REV1: variants seen among roughly 807,000 people sequenced by gnomAD.
The protein encoded by REV1 is REV1 DNA directed polymerase.
Under a neutral mutation model 137.4 loss-of-function variants are expected in REV1, and 42 were observed. The ratio of observed to expected loss-of-function variants is 0.31; its 90% confidence interval spans 0.24 to 0.40. The LOEUF (loss-of-function observed/expected upper bound fraction) is 0.40. Ranked by LOEUF, REV1 falls within the 10% of genes least tolerant of loss-of-function variation. The probability of loss-of-function intolerance (pLI) is 1.00; values close to 1 mark genes in which losing one functional copy is unlikely to be tolerated. For synonymous variants in REV1, 524 were observed against 519.2 expected, an observed-to-expected ratio of 1.01 and a Z score of -0.12; for missense variants, 1,282 against 1,490.1, an observed-to-expected ratio of 0.86 and a Z score of 2.30.
intron 3 of REV1, among the ~76,000 whole-genome samples, chr2:99,454,576 A>C (rs1263165334): frequency 1.0e-4 from 15 of 143,040 alleles, no homozygotes; most frequent in South Asian, 2.3e-4. Flanking sequence ...AAAAAAAAAA[A>C]AAAAAAAAAA....
intron 3 of REV1, 109 bp downstream of exon 3, chr2:99,462,387 T>C: frequency 9.6e-7 from 1 of 1,043,618 alleles, no homozygotes; most frequent in Middle Eastern, 2.2e-4. Context: ...CTTCTCATCT[T>C]ACAATCATTT....
chr2:99,424,416 T>C (rs908156397), intron 9 of REV1, 136 bp from the exon 10 acceptor site: 16 of 944,156 alleles, frequency 1.7e-5, no homozygotes, highest in East Asian at 1.1e-4. Flanking sequence ...GGATTAAAGA[T>C]AGGCATTAAA....
At chr2:99,403,422 C>G in intron 19 of REV1, 1 of 562,970 alleles carries the variant, frequency 1.8e-6, no homozygotes, top group Admixed American at 3.2e-5. Context: ...GGACAACTAG[C>G]TGAACAAGTA....
rs1682644720 is a variant in REV1 at position 99,449,316 on chromosome 2, A to G, written c.350+20T>C. On this transcript the variant is annotated intron_variant, in intron 4 of 22. Transcript: ENST00000258428. ...CTAACTTTAAAAATTTATTAATTAA[A>G]TTTAATAAATTAAACTTACCTTTCC... 6 of 1,363,232 alleles carry G rather than the reference A, an allele frequency of 4.4e-6. No homozygotes were observed. Among genetic ancestry groups the G allele is most frequent in the Non-Finnish European group, 5.9e-6 (6 of 1,018,004 alleles). 84.4% of individuals were successfully genotyped at this position (1,363,232 alleles called of 1,614,324 possible). A position where few individuals can be genotyped will look rare whatever the true frequency, so the allele number is the denominator to read the frequency against.
intron 1 of REV1, among the ~76,000 whole-genome samples, chr2:99,467,052 C>T (rs1684890213): frequency 6.6e-6 from 1 of 152,010 alleles, no homozygotes; most frequent in Admixed American, 6.6e-5. Context: ...ACACATACCC[C>T]GATAATTAAA....
intron 9 of REV1, 62 bp from the exon 10 acceptor site, chr2:99,424,342 C>T: frequency 6.5e-7 from 1 of 1,532,232 alleles, no homozygotes; most frequent in African/African-American, 1.4e-5. Context: ...AAATATTTAT[C>T]AAATATGTTG....
At chr2:99,451,247 A>G (rs1682890574) in intron 3 of REV1, 2 of 685,872 alleles carry the variant, frequency 2.9e-6, no homozygotes, top group African/African-American at 3.7e-5. Flanking sequence ...AACTAATTCT[A>G]TTTAATGACT....
intron 1 of REV1, among the ~76,000 whole-genome samples, chr2:99,475,994 T>TA (rs1685926415): frequency 6.6e-6 from 1 of 151,948 alleles, no homozygotes; most frequent in African/African-American, 2.4e-5. Flanking sequence ...AAAAAATAAA[T>TA]AAATGAAAAT....
chr2:99,473,688 T>G (rs1685666188), intron 1 of REV1, among the ~76,000 whole-genome samples: 1 of 152,236 alleles, frequency 6.6e-6, no homozygotes, highest in Non-Finnish European at 1.5e-5. Context: ...GTTGCTAATT[T>G]TTTCTGCTGC....
At chr2:99,463,663 C>T (rs930162236) in intron 2 of REV1, among the ~76,000 whole-genome samples, 2 of 152,048 alleles carry the variant, frequency 1.3e-5, no homozygotes, top group Non-Finnish European at 1.5e-5. Context: ...TTGCTGTTGT[C>T]GCCCAGGCTG....
chr2:99,464,322 C>G (rs931550656), intron 2 of REV1, among the ~76,000 whole-genome samples: 23 of 151,966 alleles, frequency 1.5e-4, no homozygotes, highest in African/African-American at 5.3e-4. Flanking sequence ...ATTATTTTTG[C>G]TGATTATTAA....
chr2:99,439,349 C>T, intron 5 of REV1, 39 bp from the exon 6 acceptor site: 1 of 1,427,298 alleles, frequency 7.0e-7, no homozygotes, highest in Non-Finnish European at 9.6e-7. Context: ...TAATATCTGA[C>T]TTTTAGGTTA....
At chr2:99,403,387 C>T (rs906924881) in intron 19 of REV1, 1 of 554,134 alleles carries the variant, frequency 1.8e-6, no homozygotes, top group African/African-American at 1.9e-5. Flanking sequence ...TTTGAACCAA[C>T]ATCCTTTAAT....
intron 3 of REV1, among the ~76,000 whole-genome samples, chr2:99,450,660 T>A (rs988931756): frequency 1.1e-4 from 17 of 152,198 alleles, no homozygotes; most frequent in African/African-American, 3.4e-4. Flanking sequence ...GCAAGCCACA[T>A]AAATAAAAAT....
chr2:99,449,365 T>A lies in REV1; in HGVS notation c.321A>T (p.Lys107Asn). ...CCACAATCCATTCTGGTCGAATTAC[T>A]TTTTCCCCCTTTAATTCTTTAATTT... Reference protein sequence around the residue: ...NAKIKELKGEKVIRPEWIVES... With the variant: ...NAKIKELKGENVIRPEWIVES... The change falls in exon 4 of 23, where the codon AAA becomes AAT. Residue 107 changes from lysine to asparagine, a missense_variant. By Grantham distance (94) the Lys-to-Asn change is moderately conservative. Coordinates refer to ENST00000258428, the MANE Select transcript of REV1 (RefSeq NM_016316.4). The A allele has an allele frequency of 6.4e-7, 1 of 1,551,764 alleles. No individual in the cohort carries two copies. Among genetic ancestry groups the A allele is most frequent in the Non-Finnish European group, 8.7e-7 (1 of 1,151,574 alleles).
At chr2:99,476,210 T>TC (rs1685955677) in intron 1 of REV1, among the ~76,000 whole-genome samples, 1 of 152,122 alleles carries the variant, frequency 6.6e-6, no homozygotes, top group Non-Finnish European at 1.5e-5. Context: ...ATCCTTTCTT[T>TC]TCCCCCCCTT....
chr2:99,419,456 C>T (rs911727205), intron 11 of REV1, among the ~76,000 whole-genome samples: 1 of 151,914 alleles, frequency 6.6e-6, no homozygotes, highest in South Asian at 2.1e-4. Flanking sequence ...ATGATCCACC[C>T]GCCTCAGCCT....
chr2:99,437,427 T>C (rs1052591758), intron 6 of REV1, among the ~76,000 whole-genome samples: 1 of 152,198 alleles, frequency 6.6e-6, no homozygotes, highest in East Asian at 1.9e-4. Context: ...AGTAAGGATT[T>C]AGATTCATGC....
rs1553540969 is a variant in REV1 at position 99,409,867 on chromosome 2, C to CAA, written c.2345+826_2345+827dup. Among the ~76,000 whole-genome samples, 88 of 109,546 alleles carry CAA rather than the reference C, an allele frequency of 8.0e-4. 3 individuals are homozygous for CAA. Among genetic ancestry groups the CAA allele is most frequent in the African/African-American group, 2.7e-3 (78 of 29,286 alleles). The allele number at this position is 109,546 out of a possible 152,430, so 71.9% of individuals were successfully genotyped here. A position where few individuals can be genotyped will look rare whatever the true frequency, so the allele number is the denominator to read the frequency against. On this transcript the variant is annotated intron_variant, in intron 14 of 22. Coordinates refer to ENST00000258428, the MANE Select transcript of REV1 (RefSeq NM_016316.4). ...CAAAACAAACAACCCCCCCCCCCCC[C>CAA]AAAAAAAACAGCGTTTTTAAATGCT...
Sources: gnomAD v4.1 joint callset for allele counts (sites outside exome capture counted in the v4.1 genomes callset) on GRCh38, gnomAD v4.1.1 for gene constraint, MANE v1.5 for transcripts, NCBI Gene and HGNC (gene_info 2026-07-23, HGNC 2026-07-21) for gene names.